The following ARL14EP variants were observed in gnomAD, a reference collection of about 807,000 sequenced individuals.
The protein encoded by ARL14EP is ARL14 effector protein.
In ARL14EP, 12 loss-of-function variants were observed where a neutral mutation model predicts 23.1. That is an observed-to-expected ratio of 0.52 (90% confidence interval 0.33 to 0.84). The LOEUF is 0.84. Ranked by LOEUF, ARL14EP falls within the 40% of genes least tolerant of loss-of-function variation. ARL14EP has a pLI of 0.02. For missense variants in ARL14EP, 253 were observed against 307.3 expected (o/e 0.82, Z 1.32); for synonymous variants, 97 against 102.0 (o/e 0.95, Z 0.29).
rs1008789673 is a variant in ARL14EP, at chr11:30,331,015, A to G, written c.67A>G (p.Thr23Ala). 12 of 1,613,762 alleles carry G rather than the reference A, an allele frequency of 7.4e-6. No individual in the cohort carries two copies. The highest frequency in any genetic ancestry group is 1.0e-5 in the Non-Finnish European group (12 of 1,179,822). ...TTNECHKTYY[T>A]RHTGFKTLQE... ...AAATGAGTGCCATAAAACCTACTATACTCGTCACACAGGTTTTAAGACTTT... is the reference window on the plus strand; with the variant it reads ...AAATGAGTGCCATAAAACCTACTATGCTCGTCACACAGGTTTTAAGACTTT... Residue 23 changes from threonine to alanine, a missense_variant, in exon 2 of 4, where the codon ACT becomes GCT. Transcript: ENST00000282032.
intron 2 of ARL14EP, chr11:30,331,921 A>G (rs1947288065): frequency 1.9e-6 from 1 of 527,734 alleles, no homozygotes; most frequent in Non-Finnish European, 2.4e-6. Flanking sequence ...CCTACTTGAT[A>G]TGGTCAAGGC....
rs144537045 is a variant in ARL14EP at position 30,331,011 on chromosome 11, C to T, written c.63C>T (p.Tyr21=). 4.3e-6 allele frequency: 7 copies of T among 1,613,760 alleles called. No individual in the cohort carries two copies. In the African/African-American group the frequency reaches 8.0e-5, roughly 18 times the overall value. Residue 21 remains tyrosine (Y), a synonymous_variant, in exon 2 of 4, where the codon TAC becomes TAT. Coordinates refer to ENST00000282032, the MANE Select transcript of ARL14EP (RefSeq NM_152316.3). ...CTACAAATGAGTGCCATAAAACCTA[C>T]TATACTCGTCACACAGGTTTTAAGA... ...LRTTNECHKT[Y]YTRHTGFKTL... is the part of the protein sequence containing the mutation.
At chr11:30,330,200 C>A (rs557041037) in intron 1 of ARL14EP, 1 of 152,202 alleles carries the variant, frequency 6.6e-6, no homozygotes, top group South Asian at 2.1e-4. Context: ...TATACTATAC[C>A]AATACCATAG....
chr11:30,335,774 A>ATG (rs1396070699), intron 3 of ARL14EP, among the ~76,000 whole-genome samples: 29 of 125,988 alleles, frequency 2.3e-4, no homozygotes, highest in Admixed American at 2.0e-3. Flanking sequence ...ATATATATAT[A>ATG]TATGTGTGTG....
chr11:30,328,067 C>T (rs1947252984), intron 1 of ARL14EP: 1 of 151,930 alleles, frequency 6.6e-6, no homozygotes, highest in African/African-American at 2.4e-5. Context: ...TGCCTTGTAA[C>T]TTTACCTCTG....
At chr11:30,336,539 G>C in intron 3 of ARL14EP, 28 bp from the exon 4 acceptor site, 1 of 1,510,346 alleles carries the variant, frequency 6.6e-7, no homozygotes, top group Non-Finnish European at 9.2e-7. Flanking sequence ...TATTTATGAG[G>C]TATAATTCAT....
rs1482284495 is a variant in ARL14EP at position 30,337,919 on chromosome 11, A to AT, written c.*1131dup. On this transcript the variant is annotated 3_prime_UTR_variant, in exon 4 of 4. Coordinates refer to ENST00000282032, the MANE Select transcript of ARL14EP (RefSeq NM_152316.3). ...ACTAAATATTTTTAAACATTTTTGC[A>AT]TTTTTTTCTACATTTATAACTGGTC... 4 of 152,072 alleles carry AT rather than the reference A, an allele frequency of 2.6e-5. No individual in the cohort carries two copies. Among genetic ancestry groups the AT allele is most frequent in the Admixed American group, 1.3e-4 (2 of 15,268 alleles). The allele number at this position is 152,072 out of a possible 1,614,324, so 9.4% of individuals were successfully genotyped here. A position where few individuals can be genotyped will look rare whatever the true frequency, so the allele number is the denominator to read the frequency against.
At position 30,330,931 on chromosome 11, in the gene ARL14EP, A is replaced by G; in HGVS notation, c.-18A>G. ...AACCTCCAGACAAAATAAAACGGAAAATTTGCTAGAATCAAGAATGATGGA... is the reference window on the plus strand; with the variant it reads ...AACCTCCAGACAAAATAAAACGGAAGATTTGCTAGAATCAAGAATGATGGA... On this transcript the variant is annotated 5_prime_UTR_variant, in exon 2 of 4. Transcript: ENST00000282032. 1.9e-6 allele frequency: 3 copies of G among 1,613,266 alleles called. No homozygotes were observed. Among genetic ancestry groups the G allele is most frequent in the Non-Finnish European group, 2.5e-6 (3 of 1,179,558 alleles).
chr11:30,328,144 T>A (rs1213065560), intron 1 of ARL14EP: 2 of 151,246 alleles, frequency 1.3e-5, no homozygotes, highest in Non-Finnish European at 2.9e-5. Flanking sequence ...AAAAATTTTT[T>A]TTATTTTTTT....
chr11:30,325,419 T>G, intron 1 of ARL14EP, among the ~76,000 whole-genome samples: 1 of 152,170 alleles, frequency 6.6e-6, no homozygotes, highest in Non-Finnish European at 1.5e-5. Flanking sequence ...CTTACCTAAC[T>G]CAAGGGTGGG....
At chr11:30,332,424 T>A (rs1947292933) in intron 2 of ARL14EP, among the ~76,000 whole-genome samples, 1 of 152,046 alleles carries the variant, frequency 6.6e-6, no homozygotes, top group South Asian at 2.1e-4. Context: ...TCACCAAAAC[T>A]TTTCAAAAAG....
chr11:30,330,779 T>C lies in ARL14EP; in HGVS notation c.-63-107T>C, dbSNP rs552646054. 5.6e-5 allele frequency: 36 copies of C among 644,918 alleles called. No homozygotes were observed. The African/African-American group carries it at 6.6e-4, about 12-fold the overall frequency. The allele number at this position is 644,918 out of a possible 1,614,324, so 39.9% of individuals were successfully genotyped here. ...TATAAGACTTCGATAAATACCTTTT[T>C]TATTCCTTATTTTCTTTTAGATAGG... On this transcript the variant is annotated intron_variant, in intron 1 of 3. Transcript: ENST00000282032.
At chr11:30,331,586 A>G (rs1947284130) in intron 2 of ARL14EP, 1 of 1,410,698 alleles carries the variant, frequency 7.1e-7, no homozygotes, top group South Asian at 1.6e-5. Flanking sequence ...GGAAAGTAAT[A>G]ATAAAATATG....
chr11:30,336,498 T>TA (rs1465404721), intron 3 of ARL14EP, 69 bp from the exon 4 acceptor site: 10 of 1,296,184 alleles, frequency 7.7e-6, no homozygotes, highest in Non-Finnish European at 7.6e-6. Context: ...TTTTTTTTTT[T>TA]ACTGTATTTT....
rs752747775 is a variant in ARL14EP, at chr11:30,336,869, G to A, written c.*74G>A. On this transcript the variant is annotated 3_prime_UTR_variant, in exon 4 of 4. Transcript: ENST00000282032. ...TCTGTTACTCTAAGATACATTTTAA[G>A]CTTGATTATCATATGACAAAGATTT... The A allele has an allele frequency of 4.9e-5, 66 of 1,340,514 alleles. No homozygotes were observed. Among genetic ancestry groups the A allele is most frequent in the Admixed American group, 7.5e-5 (4 of 53,420 alleles). 83.0% of individuals were successfully genotyped at this position (1,340,514 alleles called of 1,614,324 possible). A position where few individuals can be genotyped will look rare whatever the true frequency, so the allele number is the denominator to read the frequency against.
intron 1 of ARL14EP, among the ~76,000 whole-genome samples, chr11:30,323,499 G>A (rs1947212454): frequency 6.6e-6 from 1 of 152,224 alleles, no homozygotes. Context: ...CGATTTTGAC[G>A]TGAACTACTT....
Position 30,338,104 on chromosome 11 carries a change from C to T in ARL14EP, c.*1309C>T, listed in dbSNP as rs2133657823. 6.6e-6 allele frequency: 1 copy of T among 152,258 alleles called. No homozygotes were observed. Among genetic ancestry groups the T allele is most frequent in the East Asian group, 1.9e-4 (1 of 5,176 alleles). The allele number at this position is 152,258 out of a possible 1,614,324, so 9.4% of individuals were successfully genotyped here. Reference sequence around the variant, plus strand: ...GGAACAGTGCTTACTTCAGGGAAAACTGATTTTGATAGAACCGACTAGTTG... The same window carrying T: ...GGAACAGTGCTTACTTCAGGGAAAATTGATTTTGATAGAACCGACTAGTTG... On this transcript the variant is annotated 3_prime_UTR_variant, in exon 4 of 4. Transcript: ENST00000282032.
chr11:30,335,267 A>G (rs1947322289), intron 3 of ARL14EP, among the ~76,000 whole-genome samples: 2 of 152,220 alleles, frequency 1.3e-5, no homozygotes, highest in Non-Finnish European at 2.9e-5. Context: ...CTTCTTAGAG[A>G]TGAGCAAAGA....
chr11:30,332,914 A>G lies in ARL14EP; in HGVS notation c.475A>G (p.Arg159Gly). The G allele has an allele frequency of 1.9e-6, 3 of 1,613,704 alleles. No homozygotes were observed. Among genetic ancestry groups the G allele is most frequent in the Non-Finnish European group, 2.5e-6 (3 of 1,179,720 alleles). The change falls in exon 3 of 4, where the codon AGG (arginine) becomes GGG (glycine). Residue 159 changes from arginine to glycine, a missense_variant. Arg to Gly is a moderately radical substitution (Grantham distance 125, BLOSUM62 -2). Coordinates refer to ENST00000282032, the MANE Select transcript of ARL14EP (RefSeq NM_152316.3). Reference sequence around the variant, plus strand: ...GTCATTACAATTTACGAATCCAGGAAGGCAAACTGAATTTGCTCCAGAAAC... The same window carrying G: ...GTCATTACAATTTACGAATCCAGGAGGGCAAACTGAATTTGCTCCAGAAAC... ...LRSLQFTNPG[R>G]QTEFAPETGK...
Sources: gnomAD v4.1 joint callset for allele counts (sites outside exome capture counted in the v4.1 genomes callset) on GRCh38, gnomAD v4.1.1 for gene constraint, MANE v1.5 for transcripts, NCBI Gene and HGNC (gene_info 2026-07-23, HGNC 2026-07-21) for gene names.